Variants in ECT2 observed in about 807,000 individuals in gnomAD.
ECT2 encodes epithelial cell transforming 2.
Under a neutral mutation model 116.9 loss-of-function variants are expected in ECT2, and 61 were observed. The observed-to-expected ratio is 0.52, with a 90% CI of 0.42 to 0.65. ECT2 has a LOEUF of 0.65. Ranked by LOEUF, ECT2 falls within the 30% of genes least tolerant of loss-of-function variation. ECT2 has a pLI of 0.00. For missense variants in ECT2, 937 were observed against 1,078.7 expected (o/e 0.87, Z 1.84); for synonymous variants, 358 against 346.4 (o/e 1.03, Z -0.37).
At chr3:172,810,419 C>T (rs1219779494) in intron 22 of ECT2, among the ~76,000 whole-genome samples, 4 of 152,046 alleles carry the variant, frequency 2.6e-5, no homozygotes, top group African/African-American at 7.2e-5. Flanking sequence ...AATAGACCAA[C>T]GATTGGACAT....
intron 22 of ECT2, among the ~76,000 whole-genome samples, chr3:172,813,315 A>G (rs1039956985): frequency 7.2e-5 from 11 of 152,076 alleles, no homozygotes; most frequent in Non-Finnish European, 1.5e-4. Flanking sequence ...ATACAGATAA[A>G]GATAGCATTA....
chr3:172,773,678 A>T (rs1207693023), intron 13 of ECT2, among the ~76,000 whole-genome samples: 1 of 152,210 alleles, frequency 6.6e-6, no homozygotes, highest in African/African-American at 2.4e-5. Flanking sequence ...TTTGCTTCTA[A>T]TGACATTTCA....
rs761857205 is a variant in ECT2 at position 172,820,173 on chromosome 3, G to A, written c.2681G>A (p.Ser894Asn). The change falls in exon 25 of 25, where the codon AGC becomes AAC. Residue 894 changes from serine to asparagine, a missense_variant. Physicochemically the swap from Ser to Asn is conservative, Grantham distance 46. Transcript: ENST00000392692. ...GGTATCCCTTCTCCCTCCCTTGTCA[G>A]CCTTCCTTCCTTCTTTGAAAGGAGA... ...LAGIPSPSLV[S>N]LPSFFERRSH... 1 of 1,610,064 alleles carries A rather than the reference G, an allele frequency of 6.2e-7. No homozygotes were observed. Among genetic ancestry groups the A allele is most frequent in the South Asian group, 1.1e-5 (1 of 90,646 alleles).
At chr3:172,811,083 G>A (rs1386334812) in intron 22 of ECT2, among the ~76,000 whole-genome samples, 7 of 152,054 alleles carry the variant, frequency 4.6e-5, no homozygotes, top group East Asian at 1.9e-4. Context: ...AAATAAAAAT[G>A]AGTTTTGGCT....
intron 18 of ECT2, among the ~76,000 whole-genome samples, chr3:172,788,984 G>A (rs904248328): frequency 6.6e-6 from 1 of 151,296 alleles, no homozygotes; most frequent in East Asian, 2.0e-4. Flanking sequence ...CTGGAACCCG[G>A]GATGTGGAGG....
At chr3:172,812,648 T>C (rs1470762277) in intron 22 of ECT2, among the ~76,000 whole-genome samples, 1 of 152,196 alleles carries the variant, frequency 6.6e-6, no homozygotes, top group Non-Finnish European at 1.5e-5. Context: ...TAAAGTGTTA[T>C]GTTTTGTTGC....
chr3:172,755,680 C>G, intron 4 of ECT2, 105 bp downstream of exon 4: 1 of 528,942 alleles, frequency 1.9e-6, no homozygotes, highest in East Asian at 3.3e-5. Context: ...TGTGTGCAAT[C>G]TGAAGCTTAA....
downstream of ECT2, among the ~76,000 whole-genome samples, chr3:172,822,130 A>G (rs181163417): frequency 3.9e-5 from 6 of 152,076 alleles, no homozygotes; most frequent in Non-Finnish European, 4.4e-5. Context: ...GTTTTTTCCA[A>G]GAATCCAAGG....
intron 22 of ECT2, among the ~76,000 whole-genome samples, chr3:172,813,635 C>T (rs1362573579): frequency 6.6e-6 from 1 of 152,018 alleles, no homozygotes; most frequent in East Asian, 1.9e-4. Context: ...AGTTCATTGG[C>T]ATTAAGTATA....
intron 24 of ECT2, among the ~76,000 whole-genome samples, chr3:172,817,965 C>T (rs987349735): frequency 5.9e-5 from 9 of 152,072 alleles, no homozygotes; most frequent in Admixed American, 6.6e-5. Flanking sequence ...GTTTCAATTT[C>T]GTTGTCTGTA....
At chr3:172,777,561 T>C (rs1034379682) in intron 14 of ECT2, among the ~76,000 whole-genome samples, 1 of 152,126 alleles carries the variant, frequency 6.6e-6, no homozygotes, top group Non-Finnish European at 1.5e-5. Context: ...TCAGTATGAA[T>C]TTTTCTTTTT....
chr3:172,803,805 C>T (rs573608952), intron 20 of ECT2, among the ~76,000 whole-genome samples: 4 of 148,910 alleles, frequency 2.7e-5, no homozygotes, highest in South Asian at 4.2e-4. Flanking sequence ...TGTTTCTTTT[C>T]GTTTTTCTTT....
At chr3:172,822,227 C>T (rs1279984258), downstream of ECT2, among the ~76,000 whole-genome samples, 3 of 151,788 alleles carry the variant, frequency 2.0e-5, no homozygotes, top group Non-Finnish European at 4.4e-5. Context: ...CAGTAGGTTC[C>T]AAAAGGTTGT....
chr3:172,829,058 G>C, the ECT2 span: 215 of 725,726 alleles, frequency 3.0e-4, 2 homozygotes, highest in East Asian at 5.3e-3. Flanking sequence ...TGGGAAGGCT[G>C]TTTAGATGAA....
intron 2 of ECT2, 136 bp downstream of exon 2, chr3:172,754,796 T>A (rs1435758004): frequency 1.5e-6 from 1 of 681,308 alleles, no homozygotes; most frequent in African/African-American, 1.8e-5. Flanking sequence ...GTTTACAGAA[T>A]CCTTTTACAC....
intron 18 of ECT2, among the ~76,000 whole-genome samples, chr3:172,794,382 T>C (rs1725236106): frequency 2.6e-5 from 4 of 152,232 alleles, no homozygotes; most frequent in Admixed American, 2.6e-4. Flanking sequence ...ATTGCTTTTG[T>C]ACCATTGCTG....
At chr3:172,767,952 G>A (rs534693200) in intron 12 of ECT2, among the ~76,000 whole-genome samples, 39 of 152,144 alleles carry the variant, frequency 2.6e-4, no homozygotes, top group African/African-American at 6.7e-4. Flanking sequence ...GGCTGGCCTC[G>A]AACTCCTGAC....
At position 172,815,713 on chromosome 3, in the gene ECT2, T is replaced by C. The variant is rs934141080; in HGVS notation, c.2508+2T>C. ...GCAATAAAAAAGACTTCAAAAAAGG[T>C]GAGTTTTAGTGAAAGTATTATTTAG... On this transcript the variant is annotated splice_donor_variant, in intron 23 of 24. Coordinates refer to ENST00000392692, the MANE Select transcript of ECT2 (RefSeq NM_001258315.2). LOFTEE classifies it high-confidence loss of function. The C allele has an allele frequency of 6.5e-7, 1 of 1,541,670 alleles. No homozygotes were observed. The highest frequency in any genetic ancestry group is 1.4e-5 in the African/African-American group (1 of 72,736).
chr3:172,804,779 A>G (rs1003300365), intron 20 of ECT2, among the ~76,000 whole-genome samples: 14 of 152,106 alleles, frequency 9.2e-5, no homozygotes, highest in African/African-American at 2.4e-4. Context: ...GATTCCTCGC[A>G]GTCTTCTGTA....
Sources: allele counts gnomAD v4.1 joint callset (sites outside exome capture counted in the v4.1 genomes callset), GRCh38; gene constraint gnomAD v4.1.1; transcripts MANE v1.5; gene names NCBI Gene and HGNC (gene_info 2026-07-23, HGNC 2026-07-21).